The following PAPPA variants were observed in gnomAD, a reference collection of about 807,000 sequenced individuals.
PAPPA encodes pappalysin-1.
PAPPA carries 60 observed loss-of-function variants against 164.0 expected under a neutral mutation model. The observed-to-expected ratio is 0.37, with a 90% CI of 0.30 to 0.45. PAPPA has a LOEUF of 0.45. Ranked by LOEUF, PAPPA falls within the 20% of genes least tolerant of loss-of-function variation. PAPPA has a pLI of 1.00. For synonymous variants in PAPPA, 875 were observed against 814.1 expected (o/e 1.07, Z -1.27); for missense variants, 1,782 against 2,087.3 (o/e 0.85, Z 2.85).
rs200042544 is a variant in PAPPA, at chr9:116,271,303, C to T, written c.2862-22C>T. 1.1e-5 allele frequency: 17 copies of T among 1,592,804 alleles called. No individual in the cohort carries two copies. The African/African-American group carries it at 1.6e-4, about 15-fold the overall frequency. On this transcript the variant is annotated intron_variant, in intron 8 of 21. Coordinates refer to ENST00000328252, the MANE Select transcript of PAPPA (RefSeq NM_002581.5). This position sits in a 1 kb window ranked among gnomAD's most constrained non-coding sequence, Gnocchi z 4.2. ...GTTTTAAGACTAAATTGGCAAATTT[C>T]TCTTCCATATCTGCTCTGCAGAGAC...
rs564583807 is a variant in PAPPA at position 116,315,342 on chromosome 9, A to AC, written c.3147+12397dup. ...CTCTGTGCCTCCATAATCTATCCTC[A>AC]CCCCCGGAATGTTCACTGCACAGTG... On this transcript the variant is annotated intron_variant, in intron 10 of 21. Transcript: ENST00000328252. Among the ~76,000 whole-genome samples the AC allele has an allele frequency of 4.1e-3, 615 of 151,348 alleles. 1 individual carries two copies. The highest frequency in any genetic ancestry group is 6.6e-3 in the Non-Finnish European group (445 of 67,838).
chr9:116,166,816 C>A (rs1251594092), intron 1 of PAPPA, among the ~76,000 whole-genome samples: 1 of 152,108 alleles, frequency 6.6e-6, no homozygotes, highest in Non-Finnish European at 1.5e-5. Context: ...ATCCTCAAGG[C>A]CTGACACATT....
intron 21 of PAPPA, among the ~76,000 whole-genome samples, chr9:116,385,604 G>A (rs1846799282): frequency 6.6e-6 from 1 of 152,214 alleles, no homozygotes; most frequent in Non-Finnish European, 1.5e-5. Context: ...CCCAGAACCA[G>A]TTCTTTGCTA....
intron 4 of PAPPA, among the ~76,000 whole-genome samples, chr9:116,217,625 T>G (rs1844391215): frequency 6.7e-6 from 1 of 149,722 alleles, no homozygotes; most frequent in Non-Finnish European, 1.5e-5. Flanking sequence ...TTTCTAACAC[T>G]CACACATACA....
chr9:116,239,183 G>T (rs1844708247), intron 7 of PAPPA, among the ~76,000 whole-genome samples: 1 of 152,074 alleles, frequency 6.6e-6, no homozygotes, highest in African/African-American at 2.4e-5. Flanking sequence ...AGCCTTCTGT[G>T]CTTACCCCAT....
intron 7 of PAPPA, among the ~76,000 whole-genome samples, chr9:116,255,465 G>A (rs1844916624): frequency 6.6e-6 from 1 of 152,004 alleles, no homozygotes; most frequent in African/African-American, 2.4e-5. Context: ...AAATATTACA[G>A]ATATAACTAG....
In PAPPA at chr9:116,329,424, G is replaced by C. The variant is rs1169355337; in HGVS notation, c.3148-1820G>C. On this transcript the variant is annotated intron_variant, in intron 10 of 21. Coordinates refer to ENST00000328252, the MANE Select transcript of PAPPA (RefSeq NM_002581.5). The stretch of plus-strand genomic sequence containing the variant: ...TGTATAACAGGTGTATGCACTACCT[G>C]AAATTGACAACTATACAAGTTTTTC... 2.0e-5 allele frequency among the ~76,000 whole-genome samples: 3 copies of C among 152,154 alleles called. No homozygotes were observed. In the East Asian group the frequency reaches 5.8e-4, roughly 29 times the overall value.
chr9:116,230,147 A>G (rs1003863782), intron 6 of PAPPA, among the ~76,000 whole-genome samples: 1 of 152,124 alleles, frequency 6.6e-6, no homozygotes, highest in Admixed American at 6.5e-5. Flanking sequence ...CCTCCTATGT[A>G]AATTTAGTAC....
At chr9:116,351,547 A>C (rs1161555948) in intron 15 of PAPPA, among the ~76,000 whole-genome samples, 1 of 152,224 alleles carries the variant, frequency 6.6e-6, no homozygotes, top group Admixed American at 6.5e-5. Context: ...TCCGGAATGA[A>C]TAATAAGGGC....
At chr9:116,221,883 A>G (rs761146504) in intron 5 of PAPPA, among the ~76,000 whole-genome samples, 3 of 152,162 alleles carry the variant, frequency 2.0e-5, no homozygotes, top group Non-Finnish European at 4.4e-5. Context: ...CAACCTCACT[A>G]ATCATCAGGA....
intron 12 of PAPPA, 163 bp downstream of exon 12, chr9:116,332,631 T>G: frequency 6.3e-6 from 4 of 631,208 alleles, no homozygotes; most frequent in Non-Finnish European, 1.1e-5. Context: ...CAAGATGTGG[T>G]TATGTATCCA....
chr9:116,275,442 T>C (rs561862669), intron 9 of PAPPA, among the ~76,000 whole-genome samples: 5 of 152,208 alleles, frequency 3.3e-5, no homozygotes, highest in Admixed American at 6.5e-5. Flanking sequence ...TGTTTCCGTA[T>C]GTGAGATCTG....
intron 9 of PAPPA, among the ~76,000 whole-genome samples, chr9:116,273,085 A>T (rs1210221227): frequency 6.6e-6 from 1 of 152,196 alleles, no homozygotes; most frequent in Non-Finnish European, 1.5e-5. Context: ...ATGCTGAAAA[A>T]TATCTGCCTG....
At chr9:116,339,954 T>C (rs1018129092) in intron 13 of PAPPA, among the ~76,000 whole-genome samples, 8 of 152,146 alleles carry the variant, frequency 5.3e-5, no homozygotes, top group African/African-American at 1.9e-4. Flanking sequence ...GGTAAATATA[T>C]TAAACATATA....
intron 2 of PAPPA, among the ~76,000 whole-genome samples, chr9:116,193,419 A>G (rs938599298): frequency 1.3e-5 from 2 of 152,042 alleles, no homozygotes; most frequent in Non-Finnish European, 2.9e-5. Context: ...TTCCTTTTCA[A>G]TCTGAATGAA....
chr9:116,253,321 G>C (rs1844881787), intron 7 of PAPPA, among the ~76,000 whole-genome samples: 1 of 152,216 alleles, frequency 6.6e-6, no homozygotes, highest in African/African-American at 2.4e-5. Context: ...ACCAATGGCA[G>C]TATCTTCTTC....
chr9:116,328,066 A>C (rs1845942701), intron 10 of PAPPA, among the ~76,000 whole-genome samples: 1 of 152,242 alleles, frequency 6.6e-6, no homozygotes, highest in Admixed American at 6.5e-5. Context: ...ATAGTATTTA[A>C]GCAATAAGAG....
intron 9 of PAPPA, among the ~76,000 whole-genome samples, chr9:116,283,730 G>C (rs1490787126): frequency 1.3e-5 from 2 of 152,126 alleles, no homozygotes; most frequent in Non-Finnish European, 2.9e-5. Context: ...AAAGGTCCTG[G>C]CTGGAGTTGG....
intron 10 of PAPPA, among the ~76,000 whole-genome samples, chr9:116,315,251 G>A (rs1370302022): frequency 1.3e-5 from 2 of 152,210 alleles, no homozygotes; most frequent in African/African-American, 4.8e-5. Context: ...GTGCTACTGT[G>A]TGAATTGGGG....
Sources: gnomAD v4.1 joint callset for allele counts (sites outside exome capture counted in the v4.1 genomes callset) on GRCh38, gnomAD v4.1.1 for gene constraint, Gnocchi (gnomAD v3.1) non-coding constraint, MANE v1.5 for transcripts, NCBI Gene and HGNC (gene_info 2026-07-23, HGNC 2026-07-21) for gene names.